The following ARFGEF1 variants were observed in gnomAD, a reference collection of about 807,000 sequenced individuals.
ARFGEF1 encodes the protein ARF guanine nucleotide exchange factor 1.
In ARFGEF1, 42 loss-of-function variants were observed where a neutral mutation model predicts 231.0. The ratio of observed to expected loss-of-function variants is 0.18; its 90% CI spans 0.14 to 0.24. ARFGEF1 has a LOEUF of 0.24. ARFGEF1 is among the 10% of genes least tolerant of loss of function. The pLI, the probability that ARFGEF1 is intolerant of heterozygous loss-of-function variation, is 1.00. For synonymous variants in ARFGEF1, 710 were observed against 732.3 expected (o/e 0.97, Z 0.49); for missense variants, 1,345 against 2,192.0 (o/e 0.61, Z 7.72).
At chr8:67,236,360 AAAAAAATATAT>A (rs1468881346) in intron 22 of ARFGEF1, among the ~76,000 whole-genome samples, 2 of 43,276 alleles carry the variant, frequency 4.6e-5, no homozygotes, top group African/African-American at 2.2e-4. Flanking sequence ...AAAAAAAAAA[AAAAAAATATAT>A]ATATATATAT....
At chr8:67,217,068 G>A (rs1464805605) in intron 32 of ARFGEF1, among the ~76,000 whole-genome samples, 1 of 151,876 alleles carries the variant, frequency 6.6e-6, no homozygotes. Flanking sequence ...ACTTTGGGAG[G>A]CCAAGGTGGG....
At chr8:67,333,472 AT>A (rs919763001) in intron 1 of ARFGEF1, among the ~76,000 whole-genome samples, 60 of 144,980 alleles carry the variant, frequency 4.1e-4, no homozygotes, top group South Asian at 1.1e-3. Flanking sequence ...ACACCCAGTA[AT>A]TTTTTTTTTT....
At chr8:67,325,969 C>T (rs549185061) in intron 1 of ARFGEF1, among the ~76,000 whole-genome samples, 2 of 152,142 alleles carry the variant, frequency 1.3e-5, no homozygotes, top group African/African-American at 4.8e-5. Flanking sequence ...CAGGCCGAGG[C>T]GGGCAGATCA....
intron 18 of ARFGEF1, among the ~76,000 whole-genome samples, chr8:67,252,565 A>G (rs1840330758): frequency 6.6e-6 from 1 of 152,098 alleles, no homozygotes; most frequent in Non-Finnish European, 1.5e-5. Context: ...TTTAAACTTG[A>G]GATTTTAGTT....
chr8:67,201,612 A>AT lies in ARFGEF1; in HGVS notation c.5129-8_5129-7insA, dbSNP rs748545642. The AT allele has an allele frequency of 1.1e-5, 18 of 1,612,882 alleles. No individual in the cohort carries two copies. Among genetic ancestry groups the AT allele is most frequent in the Non-Finnish European group, 1.4e-5 (17 of 1,179,768 alleles). ...TTGGATTTGCCTTTGAATCCTGCAGAAAAGGGAAGTTTCTGGGATTAGTTT... is the reference window on the plus strand; with the variant it reads ...TTGGATTTGCCTTTGAATCCTGCAGATAAAGGGAAGTTTCTGGGATTAGTTT... On this transcript the variant is annotated splice_polypyrimidine_tract_variant and splice_region_variant and intron_variant, in intron 36 of 38. Coordinates refer to ENST00000262215, the MANE Select transcript of ARFGEF1 (RefSeq NM_006421.5).
At chr8:67,190,767 TGA>T in intron 5 of ARFGEF1, 5 of 1,584,552 alleles carry the variant, frequency 3.2e-6, no homozygotes, top group Non-Finnish European at 4.3e-6. Context: ...ATTGTATGTA[TGA>T]GACTTTTCTC....
At chr8:67,302,906 TAAAAAA>T (rs139020447) in intron 1 of ARFGEF1, among the ~76,000 whole-genome samples, 17 of 102,024 alleles carry the variant, frequency 1.7e-4, no homozygotes, top group Admixed American at 7.9e-4. Context: ...CCCCATCTCT[TAAAAAA>T]AAAAAAAAAA....
chr8:67,306,218 T>C lies in ARFGEF1; in HGVS notation c.125-3752A>G, dbSNP rs112244264. Reference sequence around the variant, plus strand: ...AGCATGCCCTACTACAACAGTCAGTTGTGATAACTGAGATGGCTACTATGT... The same window carrying C: ...AGCATGCCCTACTACAACAGTCAGTCGTGATAACTGAGATGGCTACTATGT... On this transcript the variant is annotated intron_variant, in intron 1 of 38. Transcript: ENST00000262215. Among the ~76,000 whole-genome samples, 1,012 of 152,318 alleles carry C rather than the reference T, an allele frequency of 6.6e-3. 5 individuals are homozygous for C. The highest frequency in any genetic ancestry group is 0.012 in the Non-Finnish European group (795 of 68,026).
intron 9 of ARFGEF1, among the ~76,000 whole-genome samples, chr8:67,273,873 A>G (rs1301363356): frequency 6.6e-6 from 1 of 152,132 alleles, no homozygotes; most frequent in East Asian, 1.9e-4. Flanking sequence ...ACTACTTCCT[A>G]TTCTAGCTCA....
intron 5 of ARFGEF1, among the ~76,000 whole-genome samples, chr8:67,175,753 A>G (rs956272876): frequency 1.8e-4 from 27 of 152,220 alleles, no homozygotes; most frequent in African/African-American, 6.3e-4. Context: ...TCAGGCAGAC[A>G]TATCAGTGCC....
At chr8:67,215,393 T>C (rs1457045740) in intron 33 of ARFGEF1, among the ~76,000 whole-genome samples, 1 of 152,150 alleles carries the variant, frequency 6.6e-6, no homozygotes, top group African/African-American at 2.4e-5. Flanking sequence ...GCATGAATAT[T>C]GTCCCCTAAA....
intron 22 of ARFGEF1, among the ~76,000 whole-genome samples, chr8:67,236,591 G>A (rs964293485): frequency 4.6e-5 from 7 of 151,864 alleles, no homozygotes; most frequent in East Asian, 1.9e-4. Context: ...ACGGCCCAAC[G>A]GGAGGGCTCT....
chr8:67,191,791 T>TA lies in ARFGEF1; in HGVS notation c.560+8604dup, dbSNP rs1486275599. Among the ~76,000 whole-genome samples, 4 of 152,376 alleles carry TA rather than the reference T, an allele frequency of 2.6e-5. No individual in the cohort carries two copies. In the East Asian group the frequency reaches 7.7e-4, roughly 29 times the overall value. ...TACCTAGAAGGAAATTGTTGGGTTA[T>TA]ATGGACACTTTGTATTTAGCATTTT... On this transcript the variant is annotated intron_variant, in intron 5 of 5. Coordinates refer to the ARFGEF1 transcript ENST00000518789.
At chr8:67,227,004 T>A (rs1453394972) in intron 27 of ARFGEF1, 133 bp downstream of exon 27, 1 of 732,676 alleles carries the variant, frequency 1.4e-6, no homozygotes, top group African/African-American at 1.8e-5. Flanking sequence ...TGTTTTTATT[T>A]ACTCTGGTTC....
At chr8:67,313,234 G>C (rs1266694919) in intron 1 of ARFGEF1, among the ~76,000 whole-genome samples, 1 of 152,108 alleles carries the variant, frequency 6.6e-6, no homozygotes, top group Non-Finnish European at 1.5e-5. Context: ...CCTTTATCTG[G>C]TCCTTCCCTG....
downstream of ARFGEF1, chr8:67,173,619 C>T (rs1442477469): frequency 6.6e-6 from 1 of 151,730 alleles, no homozygotes; most frequent in African/African-American, 2.4e-5. Context: ...GTACCATTAT[C>T]ATTTTGGATG....
At chr8:67,281,021 A>AT (rs913160501) in intron 7 of ARFGEF1, among the ~76,000 whole-genome samples, 1 of 151,276 alleles carries the variant, frequency 6.6e-6, no homozygotes, top group Non-Finnish European at 1.5e-5. Flanking sequence ...GCAAAGTGCT[A>AT]TAAAAAAAAA....
chr8:67,284,657 T>C (rs999591387), intron 7 of ARFGEF1, among the ~76,000 whole-genome samples: 4 of 152,142 alleles, frequency 2.6e-5, no homozygotes, highest in African/African-American at 9.7e-5. Flanking sequence ...AAATAGAAAG[T>C]ACAGAAAGAT....
chr8:67,205,562 CAG>C (rs1245728897), intron 34 of ARFGEF1, among the ~76,000 whole-genome samples: 1 of 152,072 alleles, frequency 6.6e-6, no homozygotes, highest in African/African-American at 2.4e-5. Flanking sequence ...CCTCTGAAAA[CAG>C]GGAATAAAGG....
Sources: gnomAD v4.1 joint callset for allele counts (sites outside exome capture counted in the v4.1 genomes callset) on GRCh38, gnomAD v4.1.1 for gene constraint, MANE v1.5 for transcripts, NCBI Gene and HGNC (gene_info 2026-07-23, HGNC 2026-07-21) for gene names.